Variants in CDK12 observed in about 807,000 individuals in gnomAD.
The protein encoded by CDK12 is cyclin dependent kinase 12.
A neutral mutation model predicts 133.8 loss-of-function variants in CDK12; 17 were observed. The observed-to-expected ratio is 0.13, with a 90% confidence interval of 0.09 to 0.19. The LOEUF (loss-of-function observed/expected upper bound fraction) is 0.19. Ranked by LOEUF, CDK12 falls within the 10% of genes least tolerant of loss-of-function variation. The pLI is 1.00. For missense variants in CDK12, 1,508 were observed against 1,818.7 expected, an observed-to-expected ratio of 0.83 and a Z score of 3.11; for synonymous variants, 694 against 683.6, an observed-to-expected ratio of 1.02 and a Z score of -0.24.
At chr17:39,483,689 A>AATTTATTTATTTATTTATTT (rs71353589) in intron 2 of CDK12, among the ~76,000 whole-genome samples, 1 of 148,844 alleles carries the variant, frequency 6.7e-6, no homozygotes, top group African/African-American at 2.5e-5. Context: ...AAACAGTTAC[A>AATTTATTTATTTATTTATTT]ATTTATTTAT....
intron 2 of CDK12, among the ~76,000 whole-genome samples, chr17:39,481,329 CT>C (rs569177170): frequency 2.0e-3 from 267 of 135,530 alleles, no homozygotes; most frequent in Middle Eastern, 7.6e-3. Flanking sequence ...TCTTCTTTCT[CT>C]TTTTTTTTTT....
chr17:39,507,202 A>G (rs1167977791), intron 6 of CDK12, among the ~76,000 whole-genome samples: 1 of 151,308 alleles, frequency 6.6e-6, no homozygotes, highest in Non-Finnish European at 1.5e-5. Context: ...GGCCTGTTCT[A>G]TTTTATATTG....
intron 10 of CDK12, 118 bp from the exon 11 acceptor site, chr17:39,519,838 C>T (rs1268596268): frequency 9.0e-7 from 1 of 1,112,408 alleles, no homozygotes; most frequent in African/African-American, 1.5e-5. Context: ...CTCACGCAGT[C>T]CTACCTTGGC....
At chr17:39,528,591 T>C (rs1412779648) in intron 13 of CDK12, among the ~76,000 whole-genome samples, 1 of 152,240 alleles carries the variant, frequency 6.6e-6, no homozygotes, top group African/African-American at 2.4e-5. Flanking sequence ...TTCCTTGTTC[T>C]CCCAAAGTAC....
intron 3 of CDK12, among the ~76,000 whole-genome samples, chr17:39,491,293 A>G (rs2051579785): frequency 6.6e-6 from 1 of 152,106 alleles, no homozygotes; most frequent in Non-Finnish European, 1.5e-5. Flanking sequence ...GCTGGGGTGC[A>G]GTGATGCTAT....
At chr17:39,540,001 G>A (rs919579866) in intron 1 of CDK12, among the ~76,000 whole-genome samples, 6 of 152,324 alleles carry the variant, frequency 3.9e-5, no homozygotes, top group South Asian at 2.1e-4. Context: ...CAGTAGCAGG[G>A]AACAGAGCAT....
At chr17:39,480,213 G>A (rs2050534029) in intron 2 of CDK12, among the ~76,000 whole-genome samples, 1 of 150,944 alleles carries the variant, frequency 6.6e-6, no homozygotes, top group South Asian at 2.1e-4. Context: ...GCGAGCCACC[G>A]TGTCCAGCCT....
intron 9 of CDK12, among the ~76,000 whole-genome samples, chr17:39,516,383 G>A (rs60048132): frequency 6.6e-6 from 1 of 151,480 alleles, no homozygotes; most frequent in Non-Finnish European, 1.5e-5. Context: ...TTTAGACAGG[G>A]TCTCGCTCTG....
chr17:39,498,193 T>G (rs943459263), intron 5 of CDK12, among the ~76,000 whole-genome samples: 2 of 151,860 alleles, frequency 1.3e-5, no homozygotes, highest in South Asian at 4.2e-4. Context: ...AGGATTTTGC[T>G]ATGTTGCCCA....
chr17:39,484,439 C>T (rs570837668), intron 2 of CDK12, among the ~76,000 whole-genome samples: 2 of 152,130 alleles, frequency 1.3e-5, no homozygotes, highest in Admixed American at 1.3e-4. Context: ...GATAGACTCA[C>T]TTTGCATGTA....
intron 2 of CDK12, among the ~76,000 whole-genome samples, chr17:39,486,675 T>A (rs1363617743): frequency 6.6e-6 from 1 of 151,806 alleles, no homozygotes; most frequent in Non-Finnish European, 1.5e-5. Flanking sequence ...AAATTACAAG[T>A]TTTTTTTCGC....
upstream of CDK12, chr17:39,543,928 T>C (rs1597670434): frequency 8.8e-6 from 2 of 226,556 alleles, no homozygotes; most frequent in South Asian, 1.4e-4. Context: ...TTAACCTTCA[T>C]TGATCTTTAT....
intron 2 of CDK12, among the ~76,000 whole-genome samples, chr17:39,473,712 C>T (rs2049973582): frequency 1.3e-5 from 2 of 152,108 alleles, no homozygotes; most frequent in African/African-American, 4.8e-5. Context: ...TGGTGAAACC[C>T]TGTCTCTACT....
At chr17:39,520,600 C>T (rs2054101827) in intron 11 of CDK12, among the ~76,000 whole-genome samples, 1 of 151,982 alleles carries the variant, frequency 6.6e-6, no homozygotes, top group Admixed American at 6.6e-5. Context: ...CTTGCTGGCC[C>T]AGCTGGTCTC....
rs147702431 is a variant in CDK12 at position 39,491,502 on chromosome 17, C to T, written c.2108+769C>T. Among the ~76,000 whole-genome samples the T allele has an allele frequency of 7.6e-3, 1,161 of 152,182 alleles. 18 individuals are homozygous for T. Among genetic ancestry groups the T allele is most frequent in the African/African-American group, 0.026 (1,098 of 41,538 alleles). ...TCCACCGCCTTGGCCTCCCAAAGTG[C>T]TGGGATTACAGGCGTGAGCCACCGC... On this transcript the variant is annotated intron_variant, in intron 3 of 13. Coordinates refer to ENST00000447079, the MANE Select transcript of CDK12 (RefSeq NM_016507.4).
At chr17:39,496,403 A>T (rs994715698) in intron 5 of CDK12, among the ~76,000 whole-genome samples, 1 of 149,894 alleles carries the variant, frequency 6.7e-6, no homozygotes, top group Non-Finnish European at 1.5e-5. Context: ...TTTTCAGTTT[A>T]AAAAAAAAAT....
At chr17:39,547,419 AGCCACTGCGCCTGGCCTACCTGG>A (rs1403307690), upstream of CDK12, among the ~76,000 whole-genome samples, 1 of 152,172 alleles carries the variant, frequency 6.6e-6, no homozygotes, top group African/African-American at 2.4e-5. Context: ...TACAGGTGTG[AGCCACTGCGCCTGGCCTACCTGG>A]ATCTTTTGAG....
downstream of CDK12, chr17:39,535,179 C>T (rs1383701835): frequency 6.6e-6 from 1 of 152,160 alleles, no homozygotes; most frequent in African/African-American, 2.4e-5. Flanking sequence ...TAAATTTGCC[C>T]CTGTGGTATG....
At chr17:39,517,654 C>A in intron 10 of CDK12, 98 bp downstream of exon 10, 1 of 697,244 alleles carries the variant, frequency 1.4e-6, no homozygotes, top group South Asian at 1.7e-5. Context: ...CCCAGTTTAT[C>A]ATGGCAACAC....
Sources: allele counts gnomAD v4.1 joint callset (sites outside exome capture counted in the v4.1 genomes callset), GRCh38; gene constraint gnomAD v4.1.1; transcripts MANE v1.5; gene names NCBI Gene and HGNC (gene_info 2026-07-23, HGNC 2026-07-21).